Variants in SIGLEC7 observed in about 807,000 individuals in gnomAD.
SIGLEC7 encodes sialic acid-binding Ig-like lectin 7.
SIGLEC7 carries 33 observed loss-of-function variants against 40.8 expected under a neutral mutation model. The ratio of observed to expected loss-of-function variants is 0.81; its 90% CI spans 0.61 to 1.08. The LOEUF is 1.08. SIGLEC7 is among the 50% of genes least tolerant of loss of function. The pLI is 0.00. For missense variants in SIGLEC7, 513 were observed against 576.1 expected (o/e 0.89, Z 1.12); for synonymous variants, 242 against 237.6 (o/e 1.02, Z -0.17).
rs2092088679 is a variant in SIGLEC7, at chr19:51,144,027, G to C, written c.434-379G>C. 3 of 541,614 alleles carry C rather than the reference G, an allele frequency of 5.5e-6. No homozygotes were observed. In the African/African-American group the frequency reaches 5.8e-5, roughly 10 times the overall value. The allele number at this position is 541,614 out of a possible 1,614,324, so 33.6% of individuals were successfully genotyped here. ...CCAGTGGCCACAAACATCCCAAATG[G>C]AAAAGTGCAGGAGACACGGGGCCGA... On this transcript the variant is annotated intron_variant, in intron 1 of 6. Transcript: ENST00000317643.
chr19:51,151,077 G>A (rs966652673), intron 6 of SIGLEC7, among the ~76,000 whole-genome samples: 2 of 152,198 alleles, frequency 1.3e-5, no homozygotes, highest in Non-Finnish European at 2.9e-5. Flanking sequence ...AGGGGAAGGA[G>A]AGAGCATAGG....
chr19:51,149,727 T>A (rs1036709609), intron 6 of SIGLEC7, among the ~76,000 whole-genome samples: 2 of 152,220 alleles, frequency 1.3e-5, no homozygotes, highest in Non-Finnish European at 2.9e-5. Flanking sequence ...ATTGAATGTA[T>A]AAATTTCTTT....
At chr19:51,146,159 G>A (rs1436020194) in intron 4 of SIGLEC7, 38 bp downstream of exon 4, 2 of 1,597,780 alleles carry the variant, frequency 1.3e-6, no homozygotes, top group Admixed American at 1.7e-5. Context: ...GAACACACCT[G>A]CCCCACCCTC....
At chr19:51,143,196 A>T (rs2092081834) in intron 1 of SIGLEC7, among the ~76,000 whole-genome samples, 1 of 152,120 alleles carries the variant, frequency 6.6e-6, no homozygotes, top group Non-Finnish European at 1.5e-5. Flanking sequence ...ACACATTGTT[A>T]AACGTCCTGG....
chr19:51,147,626 C>T (rs1204439153), intron 6 of SIGLEC7, among the ~76,000 whole-genome samples: 1 of 152,110 alleles, frequency 6.6e-6, no homozygotes. Flanking sequence ...TTGCTCCCAC[C>T]CCCACCAATC....
At chr19:51,144,754 C>G in intron 2 of SIGLEC7, 70 bp downstream of exon 2, 3 of 1,586,080 alleles carry the variant, frequency 1.9e-6, no homozygotes, top group South Asian at 1.1e-5. Flanking sequence ...AGGATGGGGT[C>G]AGGGCTCGAC....
At position 51,142,692 on chromosome 19, in the gene SIGLEC7, T is replaced by C. The variant is rs1344010919; in HGVS notation, c.323T>C (p.Leu108Pro). Reference sequence around the variant, plus strand: ...GACCCACAGACCAAAAATTGCACCCTGAGCATCAGAGATGCCAGAATGAGT... The same window carrying C: ...GACCCACAGACCAAAAATTGCACCCCGAGCATCAGAGATGCCAGAATGAGT... ...LGDPQTKNCT[L>P]SIRDARMSDA... The change falls in exon 1 of 7, where the codon CTG becomes CCG. Residue 108 changes from leucine (L) to proline (P), a missense_variant. Transcript: ENST00000317643. This position sits in a 1 kb window ranked among gnomAD's most constrained non-coding sequence, Gnocchi z 5.0. The C allele has an allele frequency of 6.2e-7, 1 of 1,614,180 alleles. No homozygotes were observed. Among genetic ancestry groups the C allele is most frequent in the Admixed American group, 1.7e-5 (1 of 60,026 alleles).
chr19:51,144,244 T>TG, intron 1 of SIGLEC7, 162 bp from the exon 2 acceptor site: 1 of 1,080,600 alleles, frequency 9.3e-7, no homozygotes, highest in Non-Finnish European at 1.3e-6. Context: ...GGAAAGGTCA[T>TG]GGGGGTGGCA....
chr19:51,145,985 C>T lies in SIGLEC7; in HGVS notation c.891C>T (p.Pro297=), dbSNP rs746897733. 76 of 1,614,112 alleles carry T rather than the reference C, an allele frequency of 4.7e-5. No homozygotes were observed. The highest frequency in any genetic ancestry group is 5.5e-5 in the Non-Finnish European group (65 of 1,180,046). Reference sequence around the variant, plus strand: ...CCTGGAGGAGTCTGACCCTGTACCCCTCACAGCCCTCAAACCCTCTGGTAC... The same window carrying T: ...CCTGGAGGAGTCTGACCCTGTACCCTTCACAGCCCTCAAACCCTCTGGTAC... ...SWTWRSLTLY[P]SQPSNPLVLE... Residue 297 remains proline (P), a synonymous_variant, in exon 4 of 7, where the codon CCC becomes CCT. Transcript: ENST00000317643. The surrounding 1 kb of genome is among the most constrained non-coding windows in gnomAD (Gnocchi z 4.3).
Position 51,146,461 on chromosome 19 carries a change from G to A in SIGLEC7, c.1028-293G>A, listed in dbSNP as rs574089970. Among the ~76,000 whole-genome samples the A allele has an allele frequency of 1.6e-4, 25 of 152,284 alleles. No homozygotes were observed. The South Asian group carries it at 5.2e-3, about 32-fold the overall frequency. On this transcript the variant is annotated intron_variant, in intron 4 of 6. Coordinates refer to ENST00000317643, the MANE Select transcript of SIGLEC7 (RefSeq NM_014385.4). ...AAAAAACAAAAAATAAAACAACTCA[G>A]CAAGCAAGTGAAATAATATTGGATG...
At chr19:51,144,121 T>C (rs546988184) in intron 1 of SIGLEC7, 46 of 687,262 alleles carry the variant, frequency 6.7e-5, no homozygotes, top group African/African-American at 4.7e-4. Context: ...GGAAGGGGGA[T>C]TTGAGGAACT....
At chr19:51,146,676 G>A (rs967585819) in intron 4 of SIGLEC7, 78 bp from the exon 5 acceptor site, 3 of 1,260,588 alleles carry the variant, frequency 2.4e-6, no homozygotes, top group South Asian at 2.7e-5. Context: ...CCCAAGTTGG[G>A]GGCCTTATAG....
chr19:51,147,745 T>G (rs1450116421), intron 6 of SIGLEC7, among the ~76,000 whole-genome samples: 4 of 152,248 alleles, frequency 2.6e-5, no homozygotes, highest in African/African-American at 9.6e-5. Context: ...AAGCCATCAC[T>G]GATCAGTTTC....
intron 6 of SIGLEC7, among the ~76,000 whole-genome samples, chr19:51,152,684 C>T (rs1046164902): frequency 2.6e-5 from 4 of 152,152 alleles, no homozygotes; most frequent in Admixed American, 1.3e-4. Flanking sequence ...CACAGTCCAT[C>T]CAGCACCCGG....
chr19:51,147,448 T>C, intron 6 of SIGLEC7, 131 bp downstream of exon 6: 3 of 679,306 alleles, frequency 4.4e-6, no homozygotes, highest in Non-Finnish European at 7.1e-6. Context: ...CCATCCAGCT[T>C]CTCCTGCAGG....
intron 5 of SIGLEC7, 47 bp downstream of exon 5, chr19:51,146,897 G>A (rs1170198683): frequency 6.4e-7 from 1 of 1,563,528 alleles, no homozygotes; most frequent in East Asian, 2.2e-5. Flanking sequence ...GGGGAGGGCG[G>A]ACTGGGAGCA....
chr19:51,144,814 G>A (rs1436393971), intron 2 of SIGLEC7, 98 bp from the exon 3 acceptor site: 8 of 1,576,496 alleles, frequency 5.1e-6, no homozygotes, highest in South Asian at 2.2e-5. Context: ...TCAGGAGGAC[G>A]CTGGCTCCGC....
Position 51,145,852 on chromosome 19 carries a change from C to T in SIGLEC7, c.761-3C>T, listed in dbSNP as rs1194442936. On this transcript the variant is annotated splice_polypyrimidine_tract_variant and splice_region_variant and intron_variant, in intron 3 of 6. Transcript: ENST00000317643. This position sits in a 1 kb window ranked among gnomAD's most constrained non-coding sequence, Gnocchi z 4.3. ...CTTTGAACCTCCAACTTTTTCTCTA[C>T]AGCATCCACAGCTCTGGGGAACAGC... The T allele has an allele frequency of 6.2e-7, 1 of 1,613,764 alleles. No homozygotes were observed. The highest frequency in any genetic ancestry group is 1.3e-5 in the African/African-American group (1 of 74,914).
chr19:51,143,903 G>T (rs972026845), intron 1 of SIGLEC7: 1 of 459,622 alleles, frequency 2.2e-6, no homozygotes, highest in African/African-American at 2.0e-5. Flanking sequence ...GTGCGTCTCT[G>T]TGCCCTGCAG....
Sources: allele counts gnomAD v4.1 joint callset (sites outside exome capture counted in the v4.1 genomes callset), GRCh38; gene constraint gnomAD v4.1.1; non-coding constraint Gnocchi (gnomAD v3.1); transcripts MANE v1.5; gene names NCBI Gene and HGNC (gene_info 2026-07-23, HGNC 2026-07-21).